CAST: variants seen among roughly 807,000 people sequenced by gnomAD.
CAST encodes MIR583 host.
In CAST, 76 loss-of-function variants were observed where a neutral mutation model predicts 119.6. The observed-to-expected ratio is 0.64, with a 90% CI of 0.53 to 0.77. The LOEUF (loss-of-function observed/expected upper bound fraction) is 0.77, where lower values mean the gene tolerates loss of function less well. Among genes scored for constraint, CAST ranks in the 30% least tolerant of loss-of-function variants. The pLI is 0.00. For missense variants in CAST, 953 were observed against 946.5 expected, an observed-to-expected ratio of 1.01 and a Z score of -0.09; for synonymous variants, 319 against 331.6, an observed-to-expected ratio of 0.96 and a Z score of 0.41.
the CAST span, chr5:96,429,094 C>A: frequency 3.4e-4 from 216 of 644,046 alleles, no homozygotes; most frequent in Middle Eastern, 2.2e-3. Flanking sequence ...TACAGATAAA[C>A]AATCTTGGTC....
intron 1 of CAST, among the ~76,000 whole-genome samples, chr5:96,573,731 G>C (rs1033282356): frequency 4.6e-5 from 7 of 152,258 alleles, no homozygotes; most frequent in Non-Finnish European, 1.0e-4. Context: ...AAACAAGATA[G>C]AGAATATTTA....
At position 96,551,905 on chromosome 5, in the gene CAST, G is replaced by A. The variant is rs377169232; in HGVS notation, c.60+22025G>A. 1.0e-3 allele frequency among the ~76,000 whole-genome samples: 155 copies of A among 152,036 alleles called. 2 individuals are homozygous for A. The South Asian group carries it at 0.029, about 28-fold the overall frequency. On this transcript the variant is annotated intron_variant, in intron 1 of 11. Transcript: ENST00000505143. ...TATATGCACCCAATAGAGGAGCACC[G>A]CGATTCATAAAGCAAGTTCTTAAAG... is the stretch of plus-strand genomic sequence containing the variant.
the CAST span, among the ~76,000 whole-genome samples, chr5:96,275,049 A>G: frequency 6.6e-6 from 1 of 152,196 alleles, no homozygotes; most frequent in Non-Finnish European, 1.5e-5. Context: ...TTAGTCAATT[A>G]ACACGTTGAG....
chr5:96,265,158 C>T, the CAST span, among the ~76,000 whole-genome samples: 1 of 152,142 alleles, frequency 6.6e-6, no homozygotes, highest in African/African-American at 2.4e-5. Context: ...TATGAGAGTT[C>T]TGCTCTCTCC....
chr5:96,656,023 T>G (rs10059147), intron 1 of CAST, among the ~76,000 whole-genome samples: 1,546 of 152,358 alleles, frequency 0.01, 32 homozygotes, highest in African/African-American at 0.035. Flanking sequence ...GTTTTGGATT[T>G]GTTTCCACTT....
At chr5:96,180,052 G>A in the CAST span, among the ~76,000 whole-genome samples, 8 of 151,970 alleles carry the variant, frequency 5.3e-5, no homozygotes, top group Middle Eastern at 3.4e-3. Context: ...CTGCTAGAGC[G>A]TAAAAGGTGA....
At chr5:96,108,765 G>C in the CAST span, among the ~76,000 whole-genome samples, 40 of 152,366 alleles carry the variant, frequency 2.6e-4, no homozygotes, top group African/African-American at 8.7e-4. Context: ...GTTGGAGCTT[G>C]CCGGCTGCTT....
chr5:96,545,659 C>G (rs147771755), intron 1 of CAST, among the ~76,000 whole-genome samples: 98 of 152,224 alleles, frequency 6.4e-4, no homozygotes, highest in African/African-American at 2.3e-3. Context: ...GACAGGTCAG[C>G]CTTAGTAAGA....
chr5:95,999,353 T>C, the CAST span, among the ~76,000 whole-genome samples: 1 of 152,118 alleles, frequency 6.6e-6, no homozygotes, highest in African/African-American at 2.4e-5. Context: ...AGTATATCCA[T>C]ATATATATTT....
chr5:96,432,194 C>G, the CAST span: 3 of 1,453,856 alleles, frequency 2.1e-6, no homozygotes, highest in East Asian at 7.4e-5. Flanking sequence ...TTATAAGTTC[C>G]CAGTGAAAAG....
At chr5:96,472,162 A>G in the CAST span, among the ~76,000 whole-genome samples, 1 of 152,184 alleles carries the variant, frequency 6.6e-6, no homozygotes, top group Admixed American at 6.6e-5. Flanking sequence ...CAAAAGTAGA[A>G]AGACCTTTCA....
At chr5:96,269,576 A>G in the CAST span, among the ~76,000 whole-genome samples, 2 of 152,224 alleles carry the variant, frequency 1.3e-5, no homozygotes, top group African/African-American at 4.8e-5. Context: ...AAAGGGAAAC[A>G]TAACAACTGA....
chr5:96,666,211 C>T (rs1341303552), intron 1 of CAST, among the ~76,000 whole-genome samples: 1 of 151,658 alleles, frequency 6.6e-6, no homozygotes, highest in African/African-American at 2.4e-5. Flanking sequence ...ACATTGAATG[C>T]CATCAATCCT....
At chr5:96,338,203 C>A in the CAST span, among the ~76,000 whole-genome samples, 5 of 152,286 alleles carry the variant, frequency 3.3e-5, no homozygotes, top group South Asian at 4.1e-4. Flanking sequence ...AAACAACAAA[C>A]CTATTTTTAT....
chr5:96,537,137 C>T (rs180683427), intron 1 of CAST, among the ~76,000 whole-genome samples: 2 of 152,360 alleles, frequency 1.3e-5, no homozygotes, highest in African/African-American at 4.8e-5. Flanking sequence ...CCCTGACTGC[C>T]TGCTGCCTTG....
chr5:96,735,200 G>A (rs562245945), intron 9 of CAST, among the ~76,000 whole-genome samples: 1 of 152,316 alleles, frequency 6.6e-6, no homozygotes, highest in African/African-American at 2.4e-5. Context: ...CCAAACAATG[G>A]TTTTCATACT....
chr5:96,335,192 C>T, the CAST span, among the ~76,000 whole-genome samples: 1 of 152,200 alleles, frequency 6.6e-6, no homozygotes, highest in Non-Finnish European at 1.5e-5. Context: ...TTAGTGATGT[C>T]CTATCTCTTC....
At chr5:96,244,774 G>A in the CAST span, among the ~76,000 whole-genome samples, 4 of 151,846 alleles carry the variant, frequency 2.6e-5, no homozygotes, top group African/African-American at 7.3e-5. Context: ...TCTAAACTTG[G>A]GATGTTAATT....
the CAST span, among the ~76,000 whole-genome samples, chr5:96,301,824 A>G: frequency 6.6e-6 from 1 of 152,122 alleles, no homozygotes; most frequent in African/African-American, 2.4e-5. Flanking sequence ...ATGGACTGTC[A>G]CTGCGTGCCT....
Sources: allele counts gnomAD v4.1 joint callset (sites outside exome capture counted in the v4.1 genomes callset), GRCh38; gene constraint gnomAD v4.1.1; transcripts MANE v1.5; gene names NCBI Gene and HGNC (gene_info 2026-07-23, HGNC 2026-07-21).